HEPH: variants seen among roughly 807,000 people sequenced by gnomAD.
HEPH encodes hephaestin.
HEPH carries 69 observed loss-of-function variants against 80.8 expected under a neutral mutation model. The ratio of observed to expected loss-of-function variants is 0.85; its 90% confidence interval spans 0.70 to 1.04. HEPH has a LOEUF of 1.04. HEPH is among the 50% of genes least tolerant of loss of function. The pLI is 0.00. For synonymous variants in HEPH, 431 were observed against 322.8 expected (o/e 1.34, Z -3.60); for missense variants, 1,115 against 891.3 (o/e 1.25, Z -3.20).
At chrX:66,193,767 G>A (rs1258001143) in intron 8 of HEPH, 129 bp downstream of exon 8, 1 of 418,029 alleles carries the variant, frequency 2.4e-6, no homozygotes, top group Non-Finnish European at 3.9e-6. Context: ...AGTCTTATGA[G>A]ATGATTGTTT....
At chrX:66,228,851 G>A (rs749274249) in intron 15 of HEPH, among the ~76,000 whole-genome samples, 2 of 111,570 alleles carry the variant, frequency 1.8e-5, no homozygotes, top group Non-Finnish European at 1.9e-5. Context: ...TGCAAGAATG[G>A]CCATAGTCAA....
At chrX:66,200,917 C>T (rs1221197715) in intron 12 of HEPH, among the ~76,000 whole-genome samples, 165 bp downstream of exon 12, 1 of 111,375 alleles carries the variant, frequency 9.0e-6, no homozygotes, top group Non-Finnish European at 1.9e-5. Context: ...TCTCCATGTT[C>T]TGGTTACTTG....
chrX:66,245,055 G>A (rs1206068503), intron 15 of HEPH, among the ~76,000 whole-genome samples: 3 of 111,318 alleles, frequency 2.7e-5, no homozygotes, highest in Non-Finnish European at 5.7e-5. Flanking sequence ...TCAAGGCTAG[G>A]AAGAAACCGC....
chrX:66,264,250 AAT>A lies in HEPH; in HGVS notation c.3244+577_3244+578del, dbSNP rs780655713. ...CCACTTGTACTCCTGAAGCTGTTGA[AAT>A]ATATATATATATATGTAAAATATAT... On this transcript the variant is annotated intron_variant, in intron 20 of 20. Coordinates refer to ENST00000343002, the MANE Select transcript of HEPH (RefSeq NM_001367233.3). Among the ~76,000 whole-genome samples, 210 of 104,205 alleles carry A rather than the reference AAT, an allele frequency of 2.0e-3. 1 individual carries two copies. Among genetic ancestry groups the A allele is most frequent in the African/African-American group, 6.5e-3 (189 of 28,944 alleles). The allele number at this position is 104,205 out of a possible 115,157, so 90.5% of individuals were successfully genotyped here. A position where few individuals can be genotyped will look rare whatever the true frequency, so the allele number is the denominator to read the frequency against.
chrX:66,175,897 G>C (rs1438582730), intron 4 of HEPH, among the ~76,000 whole-genome samples: 3 of 111,810 alleles, frequency 2.7e-5, no homozygotes, highest in Non-Finnish European at 5.6e-5. Context: ...TCTTTTATCA[G>C]TTCTAGAAGC....
rs757335762 is a variant in HEPH at position 66,189,979 on chromosome X, G to A, written c.1063+41G>A. On this transcript the variant is annotated intron_variant, in intron 6 of 20. Coordinates refer to ENST00000343002, the MANE Select transcript of HEPH (RefSeq NM_001367233.3). ...TCTGACCATTGGGTTGTAAGAGAGAGGTATGATAATGGTCAAGGGAGGCTG... is the reference window on the plus strand; with the variant it reads ...TCTGACCATTGGGTTGTAAGAGAGAAGTATGATAATGGTCAAGGGAGGCTG... 12 of 1,135,860 alleles carry A rather than the reference G, an allele frequency of 1.1e-5. No individual in the cohort carries two copies. The South Asian group carries it at 2.5e-4, about 24-fold the overall frequency. The allele number at this position is 1,135,860 out of a possible 1,213,427, so 93.6% of individuals were successfully genotyped here. A position where few individuals can be genotyped will look rare whatever the true frequency, so the allele number is the denominator to read the frequency against.
intron 13 of HEPH, among the ~76,000 whole-genome samples, chrX:66,205,058 A>G (rs759855085): frequency 1.8e-5 from 2 of 111,429 alleles, no homozygotes; most frequent in African/African-American, 3.3e-5. Flanking sequence ...TAGTTTTTCA[A>G]CCGTTTTCCG....
At chrX:66,221,981 G>A (rs985125781) in intron 15 of HEPH, among the ~76,000 whole-genome samples, 7 of 112,459 alleles carry the variant, frequency 6.2e-5, no homozygotes, top group Non-Finnish European at 1.3e-4. Context: ...TGAAATGCCA[G>A]GGTGAAAGGG....
intron 12 of HEPH, 134 bp from the exon 13 acceptor site, chrX:66,203,230 T>G: frequency 2.0e-6 from 1 of 494,809 alleles, no homozygotes; most frequent in Non-Finnish European, 3.4e-6. Flanking sequence ...CTATGTGTAG[T>G]TAAGGCAAGA....
At chrX:66,191,445 A>G (rs1255365587) in intron 6 of HEPH, among the ~76,000 whole-genome samples, 2 of 112,057 alleles carry the variant, frequency 1.8e-5, no homozygotes, top group African/African-American at 3.2e-5. Context: ...CAAATTTCAA[A>G]TCTCCCTGGG....
chrX:66,172,661 A>C (rs1213127100), intron 3 of HEPH, 62 bp downstream of exon 3: 1 of 1,045,558 alleles, frequency 9.6e-7, no homozygotes, highest in Non-Finnish European at 1.3e-6. Context: ...CTTTATTGCC[A>C]GGTGAAGGAG....
chrX:66,253,374 C>A (rs772548977), intron 15 of HEPH, among the ~76,000 whole-genome samples: 1 of 112,092 alleles, frequency 8.9e-6, no homozygotes, highest in African/African-American at 3.2e-5. Context: ...CATGGTTAAC[C>A]GTCAGAGAAA....
intron 11 of HEPH, among the ~76,000 whole-genome samples, chrX:66,199,580 G>T (rs1230465451): frequency 8.9e-6 from 1 of 111,798 alleles, no homozygotes; most frequent in Non-Finnish European, 1.9e-5. Context: ...AATGTGCTAG[G>T]TGCTCAGGCA....
At chrX:66,206,873 C>T (rs995890010) in intron 13 of HEPH, among the ~76,000 whole-genome samples, 27 of 109,329 alleles carry the variant, frequency 2.5e-4, no homozygotes, top group African/African-American at 7.6e-4. Context: ...AAAAAGTAGC[C>T]GGGCGTGGTG....
intron 1 of HEPH, among the ~76,000 whole-genome samples, chrX:66,169,193 G>T: frequency 9.0e-6 from 1 of 111,575 alleles, no homozygotes; most frequent in Middle Eastern, 4.7e-3. Flanking sequence ...TACTTCATAG[G>T]GTGGTTGTGA....
intron 4 of HEPH, among the ~76,000 whole-genome samples, chrX:66,179,908 C>T (rs1310074939): frequency 1.8e-5 from 2 of 111,568 alleles, no homozygotes; most frequent in Admixed American, 1.9e-4. Flanking sequence ...TTCTCCTACT[C>T]ACTTTTGGTT....
chrX:66,204,335 G>A (rs1047508358), intron 13 of HEPH, among the ~76,000 whole-genome samples: 20 of 112,275 alleles, frequency 1.8e-4, no homozygotes, highest in African/African-American at 6.5e-4. Flanking sequence ...TAAAAAAGAA[G>A]GAGAGAACGG....
At chrX:66,213,137 A>G (rs1237370761) in intron 15 of HEPH, among the ~76,000 whole-genome samples, 2 of 109,292 alleles carry the variant, frequency 1.8e-5, no homozygotes, top group Admixed American at 2.0e-4. Context: ...GTACCCACTA[A>G]CTCATCATCT....
chrX:66,258,360 C>T (rs1374406232), intron 17 of HEPH, among the ~76,000 whole-genome samples: 1 of 111,129 alleles, frequency 9.0e-6, no homozygotes, highest in Non-Finnish European at 1.9e-5. Flanking sequence ...TTTGACTGGA[C>T]TTTAAAAAAT....
Sources: gnomAD v4.1 joint callset for allele counts (sites outside exome capture counted in the v4.1 genomes callset) on GRCh38, gnomAD v4.1.1 for gene constraint, MANE v1.5 for transcripts, NCBI Gene and HGNC (gene_info 2026-07-23, HGNC 2026-07-21) for gene names.